The following UFSP2 variants were observed in gnomAD, a reference collection of about 807,000 sequenced individuals.
UFSP2 encodes the protein ufm1-specific protease 2.
Under a neutral mutation model 60.2 loss-of-function variants are expected in UFSP2, and 43 were observed. That is an observed-to-expected ratio of 0.71 (90% CI 0.56 to 0.92). The LOEUF (loss-of-function observed/expected upper bound fraction) is 0.92, where lower values mean the gene tolerates loss of function less well. UFSP2 is among the 40% of genes least tolerant of loss of function. The pLI is 0.00. For missense variants in UFSP2, 520 were observed against 575.0 expected, an observed-to-expected ratio of 0.90 and a Z score of 0.98; for synonymous variants, 183 against 195.1, an observed-to-expected ratio of 0.94 and a Z score of 0.52.
At chr4:185,419,227 G>A (rs537025573) in intron 2 of UFSP2, among the ~76,000 whole-genome samples, 1 of 152,148 alleles carries the variant, frequency 6.6e-6, no homozygotes, top group South Asian at 2.1e-4. Flanking sequence ...CGCCTCCCGG[G>A]TTCACGCCAT....
intron 7 of UFSP2, among the ~76,000 whole-genome samples, chr4:185,410,354 A>T (rs567988651): frequency 1.3e-5 from 2 of 152,334 alleles, no homozygotes; most frequent in Admixed American, 1.3e-4. Flanking sequence ...CTTACATTAG[A>T]AAATAAGAAA....
chr4:185,420,409 A>G (rs1355491240), intron 2 of UFSP2, among the ~76,000 whole-genome samples: 1 of 152,212 alleles, frequency 6.6e-6, no homozygotes, highest in Non-Finnish European at 1.5e-5. Flanking sequence ...CAATCTTTCA[A>G]TACTCATCTT....
Position 185,399,966 on chromosome 4 carries a change from A to C in UFSP2, c.*426T>G, listed in dbSNP as rs753511437. 1 of 1,589,776 alleles carries C rather than the reference A, an allele frequency of 6.3e-7. No homozygotes were observed. Among genetic ancestry groups the C allele is most frequent in the Admixed American group, 1.8e-5 (1 of 54,932 alleles). ...GACTGCATGGTGGAAGTTTGGGGAT[A>C]AAACTCTTTTTAAAAAAAAGTTTTT... On this transcript the variant is annotated 3_prime_UTR_variant, in exon 12 of 12. Coordinates refer to ENST00000264689, the MANE Select transcript of UFSP2 (RefSeq NM_018359.5).
intron 2 of UFSP2, among the ~76,000 whole-genome samples, chr4:185,421,629 G>A (rs1335321456): frequency 6.6e-6 from 1 of 152,134 alleles, no homozygotes; most frequent in Non-Finnish European, 1.5e-5. Context: ...CTGGCACCAT[G>A]CTTTTTGTAC....
rs778234928 is a variant in UFSP2 at position 185,418,780 on chromosome 4, A to T, written c.83-10T>A. On this transcript the variant is annotated splice_polypyrimidine_tract_variant and intron_variant, in intron 2 of 11. Coordinates refer to ENST00000264689, the MANE Select transcript of UFSP2 (RefSeq NM_018359.5). ...TTCTTGAGAAAAATTTCTAAATTAA[A>T]AGAATATAAATAGAAGTTAAGAAAA... 2 of 1,578,124 alleles carry T rather than the reference A, an allele frequency of 1.3e-6. No homozygotes were observed. The highest frequency in any genetic ancestry group is 3.8e-5 in the Admixed American group (2 of 52,630).
rs750133386 is a variant in UFSP2 at position 185,422,463 on chromosome 4, AAG to A, written c.82+20_82+21del. On this transcript the variant is annotated intron_variant, in intron 2 of 11. Coordinates refer to ENST00000264689, the MANE Select transcript of UFSP2 (RefSeq NM_018359.5). Reference sequence around the variant, plus strand: ...TTTCACTATCAATTTTCTAATAAAAAAGAATTTTTCAGAAGACCTACCATTAG... The same window carrying A: ...TTTCACTATCAATTTTCTAATAAAAAAATTTTTCAGAAGACCTACCATTAG... The A allele has an allele frequency of 1.3e-6, 2 of 1,578,364 alleles. No individual in the cohort carries two copies. The highest frequency in any genetic ancestry group is 1.7e-6 in the Non-Finnish European group (2 of 1,160,122).
intron 10 of UFSP2, 118 bp downstream of exon 10, chr4:185,405,662 T>C (rs1411803221): frequency 2.6e-6 from 3 of 1,139,204 alleles, no homozygotes; most frequent in Non-Finnish European, 3.7e-6. Flanking sequence ...ACATATGGTG[T>C]AAAAGTTAAT....
intron 4 of UFSP2, 164 bp from the exon 5 acceptor site, chr4:185,416,031 A>G: frequency 2.0e-6 from 1 of 506,862 alleles, no homozygotes; most frequent in South Asian, 3.7e-5. Flanking sequence ...AAGGAGTTCA[A>G]TCTGTAACTG....
chr4:185,413,130 T>C (rs28565390), intron 7 of UFSP2, among the ~76,000 whole-genome samples: 15,033 of 151,896 alleles, frequency 0.099, 1,263 homozygotes, highest in African/African-American at 0.23. Context: ...CATGGTGAAA[T>C]CCTGTCTCTA....
intron 2 of UFSP2, among the ~76,000 whole-genome samples, chr4:185,419,723 T>A (rs1992582): frequency 0.9 from 137,173 of 152,298 alleles, 61,895 homozygotes; most frequent in East Asian, 0.99. Flanking sequence ...TTAATGTTTC[T>A]TCTGTATTGT....
chr4:185,405,991 G>A (rs751929931), intron 9 of UFSP2, 135 bp from the exon 10 acceptor site: 167 of 1,522,352 alleles, frequency 1.1e-4, no homozygotes, highest in Non-Finnish European at 1.4e-4. Context: ...AAAAAATTAA[G>A]TGTTAGGGAA....
In UFSP2 at chr4:185,408,251, T is replaced by C. The variant is rs1936755046; in HGVS notation, c.996+20A>G. 6.2e-7 allele frequency: 1 copy of C among 1,609,600 alleles called. No individual in the cohort carries two copies. The highest frequency in any genetic ancestry group is 1.1e-5 in the South Asian group (1 of 90,868). The stretch of plus-strand genomic sequence containing the variant: ...ATGAAACATACAGTTGATTATAATT[T>C]AAAACGGTATGTTCTGTACCTGCTG... On this transcript the variant is annotated intron_variant, in intron 8 of 11. Transcript: ENST00000264689.
chr4:185,416,990 TA>T (rs2095539847), intron 4 of UFSP2, among the ~76,000 whole-genome samples: 1 of 152,182 alleles, frequency 6.6e-6, no homozygotes, highest in South Asian at 2.1e-4. Flanking sequence ...TGATGAGGAC[TA>T]AAGTAAGATA....
chr4:185,416,377 T>C (rs1379340525), intron 4 of UFSP2, among the ~76,000 whole-genome samples: 2 of 152,210 alleles, frequency 1.3e-5, no homozygotes, highest in Non-Finnish European at 2.9e-5. Context: ...CATATAACTA[T>C]ATACCCCTGG....
chr4:185,402,899 TTA>T (rs1344918482), intron 11 of UFSP2, among the ~76,000 whole-genome samples: 1 of 152,266 alleles, frequency 6.6e-6, no homozygotes. Context: ...TTCAAGTTAA[TTA>T]TGTTTTACAA....
chr4:185,411,352 C>T (rs2095529029), intron 7 of UFSP2, among the ~76,000 whole-genome samples: 1 of 152,104 alleles, frequency 6.6e-6, no homozygotes, highest in Non-Finnish European at 1.5e-5. Flanking sequence ...GATCATACCA[C>T]TCTTATATAA....
In UFSP2 at chr4:185,404,042, A is replaced by G. The variant is rs138013889; in HGVS notation, c.1199-424T>C. Among the ~76,000 whole-genome samples, 354 of 151,780 alleles carry G rather than the reference A, an allele frequency of 2.3e-3. 1 individual carries two copies. The highest frequency in any genetic ancestry group is 8.1e-3 in the African/African-American group (336 of 41,422). On this transcript the variant is annotated intron_variant, in intron 10 of 11. Transcript: ENST00000264689. ...AAATAGCATTAAAATGGACTACCCT[A>G]CACTATAAAAGACACAATGTCAGAT...
chr4:185,405,785 A>T lies in UFSP2; in HGVS notation c.1193T>A (p.Met398Lys). 1 of 1,614,066 alleles carries T rather than the reference A, an allele frequency of 6.2e-7. No homozygotes were observed. The highest frequency in any genetic ancestry group is 8.5e-7 in the Non-Finnish European group (1 of 1,179,980). ...CAGTGTCTGAAACAGCTTACCGATC[A>T]TAACTGGAGTTCCTTCACTTTGGAA... ...NHFQSEGTPV[M>K]IGGGVLAHTI... Residue 398 changes from methionine (M) to lysine (K), a missense_variant, in exon 10 of 12, where the codon ATG (methionine) becomes AAG (lysine). Met to Lys is a moderately conservative substitution (Grantham distance 95, BLOSUM62 -1). Transcript: ENST00000264689.
At chr4:185,400,524 G>T in intron 11 of UFSP2, 46 bp from the exon 12 acceptor site, 1 of 1,440,124 alleles carries the variant, frequency 6.9e-7, no homozygotes, top group Non-Finnish European at 9.7e-7. Context: ...AAAGTTACAA[G>T]ATTATGTCAT....
Sources: gnomAD v4.1 joint callset for allele counts (sites outside exome capture counted in the v4.1 genomes callset) on GRCh38, gnomAD v4.1.1 for gene constraint, MANE v1.5 for transcripts, NCBI Gene and HGNC (gene_info 2026-07-23, HGNC 2026-07-21) for gene names.